ANK3: variants seen among roughly 807,000 people sequenced by gnomAD.
ANK3 encodes ankyrin 3.
ANK3 carries 57 observed loss-of-function variants against 370.9 expected under a neutral mutation model. The observed-to-expected ratio is 0.15, with a 90% CI of 0.12 to 0.19. The LOEUF is 0.19. ANK3 is among the 10% of genes least tolerant of loss of function. The pLI, the probability that ANK3 is intolerant of heterozygous loss-of-function variation, is 1.00. For missense variants in ANK3, 4,439 were observed against 5,302.1 expected, an observed-to-expected ratio of 0.84 and a Z score of 5.06; for synonymous variants, 1,929 against 1,946.3, an observed-to-expected ratio of 0.99 and a Z score of 0.23.
intron 28 of ANK3, among the ~76,000 whole-genome samples, chr10:60,099,706 A>G (rs2090829911): frequency 6.6e-6 from 1 of 152,232 alleles, no homozygotes; most frequent in Non-Finnish European, 1.5e-5. Context: ...GGAAAAATCA[A>G]TTAATATGAT....
chr10:60,446,376 G>A (rs1255412121), intron 2 of ANK3, among the ~76,000 whole-genome samples: 1 of 152,088 alleles, frequency 6.6e-6, no homozygotes, highest in East Asian at 1.9e-4. Context: ...CCCTGACCAG[G>A]GATCAACTGG....
At chr10:60,089,733 A>C (rs912123117) in intron 28 of ANK3, among the ~76,000 whole-genome samples, 2 of 152,136 alleles carry the variant, frequency 1.3e-5, no homozygotes, top group African/African-American at 4.8e-5. Flanking sequence ...AGAATTATAC[A>C]TAGGAATAGA....
chr10:60,053,526 A>G (rs1265685348), intron 42 of ANK3, among the ~76,000 whole-genome samples: 1 of 152,312 alleles, frequency 6.6e-6, no homozygotes, highest in South Asian at 2.1e-4. Context: ...CTTAAAGTGA[A>G]AATGGAGGAA....
chr10:60,432,621 T>C (rs1038293004), intron 2 of ANK3, among the ~76,000 whole-genome samples: 1 of 152,094 alleles, frequency 6.6e-6, no homozygotes, highest in African/African-American at 2.4e-5. Flanking sequence ...GATGACAAAA[T>C]AATAAAAAGG....
At chr10:60,305,900 T>G (rs1370478752) in intron 1 of ANK3, among the ~76,000 whole-genome samples, 1 of 152,166 alleles carries the variant, frequency 6.6e-6, no homozygotes, top group Admixed American at 6.5e-5. Context: ...AGTGCCGCTT[T>G]CACAGTCGGA....
At chr10:60,488,335 G>A (rs1203394136) in intron 2 of ANK3, among the ~76,000 whole-genome samples, 1 of 152,158 alleles carries the variant, frequency 6.6e-6, no homozygotes, top group Non-Finnish European at 1.5e-5. Flanking sequence ...AGGTGAACAG[G>A]AAAGGGTGGG....
At position 60,717,035 on chromosome 10, in the gene ANK3, A is replaced by G. The variant is rs113295824; in HGVS notation, c.57+16228T>C. ...TCAGGTATTAGCTCCTCCTCACTTT[A>G]TCCCTTGAGGATTTTTTTATTAAGC... On this transcript the variant is annotated intron_variant, in intron 1 of 43. Transcript: ENST00000373827. Among the ~76,000 whole-genome samples, 377 of 152,338 alleles carry G rather than the reference A, an allele frequency of 2.5e-3. 1 individual carries two copies. The highest frequency in any genetic ancestry group is 8.8e-3 in the African/African-American group (365 of 41,582).
intron 2 of ANK3, among the ~76,000 whole-genome samples, chr10:60,410,832 AT>A (rs370263898): frequency 3.7e-4 from 54 of 145,918 alleles, no homozygotes; most frequent in African/African-American, 5.3e-4. Context: ...TGCCTGGCCA[AT>A]TTTTTTTTTT....
intron 8 of ANK3, among the ~76,000 whole-genome samples, chr10:60,222,228 A>T (rs1011040867): frequency 1.3e-5 from 2 of 152,188 alleles, no homozygotes; most frequent in African/African-American, 4.8e-5. Flanking sequence ...CAATGATGCG[A>T]CTGCCTGGCT....
At chr10:60,415,916 G>GGGCCC in intron 2 of ANK3, among the ~76,000 whole-genome samples, 1 of 81,276 alleles carries the variant, frequency 1.2e-5, no homozygotes, top group Admixed American at 1.2e-4. Context: ...CTGAATTTGT[G>GGGCCC]CCCCCCACCC....
chr10:60,200,120 TGCGCATACCTTA>T lies in ANK3; in HGVS notation c.1488_1491+8del. The stretch of plus-strand genomic sequence containing the variant: ...TCAATTTCAAACACTTGTCAAGTAT[TGCGCATACCTTA>T]GCTTTAGCTTCTACCTGAGCTCCGT... On this transcript the variant is annotated splice_donor_variant and splice_donor_5th_base_variant and coding_sequence_variant and intron_variant, in exon 13 of 44. Transcript: ENST00000280772. 6.2e-7 allele frequency: 1 copy of T among 1,610,518 alleles called. No individual in the cohort carries two copies. The highest frequency in any genetic ancestry group is 8.5e-7 in the Non-Finnish European group (1 of 1,176,866).
chr10:60,583,479 A>ATAT (rs1242044017), intron 2 of ANK3, among the ~76,000 whole-genome samples: 2 of 148,314 alleles, frequency 1.3e-5, no homozygotes, highest in Admixed American at 1.3e-4. Context: ...AATGTATTAT[A>ATAT]TATTTCCATA....
intron 2 of ANK3, among the ~76,000 whole-genome samples, chr10:60,568,171 GT>G (rs1443981060): frequency 6.6e-6 from 1 of 152,154 alleles, no homozygotes; most frequent in Non-Finnish European, 1.5e-5. Context: ...TGTGAGTAAT[GT>G]TATCAAACAG....
At chr10:60,575,555 TTATAA>T (rs1221902853) in intron 2 of ANK3, among the ~76,000 whole-genome samples, 3 of 152,264 alleles carry the variant, frequency 2.0e-5, no homozygotes, top group Admixed American at 1.3e-4. Context: ...TCATTTAAAG[TTATAA>T]TTTAATAATA....
intron 25 of ANK3, among the ~76,000 whole-genome samples, chr10:60,129,322 G>T (rs1565195139): frequency 6.6e-6 from 1 of 152,164 alleles, no homozygotes; most frequent in African/African-American, 2.4e-5. Context: ...AGAGCCACAG[G>T]TAATTCCATT....
In ANK3 at chr10:60,196,243, T is replaced by G. The variant is rs749409958; in HGVS notation, c.1789A>C (p.Ser597Arg). 6.2e-7 allele frequency: 1 copy of G among 1,613,650 alleles called. No individual in the cohort carries two copies. The highest frequency in any genetic ancestry group is 8.5e-7 in the Non-Finnish European group (1 of 1,179,772). The stretch of plus-strand genomic sequence containing the variant: ...GCTACATGCAGTGGTGTTAGCCCGC[T>G]CTGAAAACACGTGCAGAAACAACAA... ...KSASPDAAGK[S>R]GLTPLHVAAH... The change falls in exon 16 of 44, where the codon AGC (serine) becomes CGC (arginine). Residue 597 changes from serine to arginine, a missense_variant and splice_region_variant. By Grantham distance (110) the Ser-to-Arg change is moderately radical. Around this residue, in one of 13 missense-constraint regions of ANK3, gnomAD observed 192 missense variants for 192.1 expected, o/e 1.00. Transcript: ENST00000280772.
intron 24 of ANK3, chr10:60,137,384 A>AAAAAAC (rs1393811925): frequency 3.8e-5 from 14 of 367,882 alleles, no homozygotes; most frequent in African/African-American, 1.9e-4. Flanking sequence ...GAAAAAAAAA[A>AAAAAAC]AAAAAAAACA....
chr10:60,447,554 G>C (rs1377847980), intron 2 of ANK3, among the ~76,000 whole-genome samples: 2 of 152,094 alleles, frequency 1.3e-5, no homozygotes, highest in Admixed American at 1.3e-4. Flanking sequence ...CTGCATGTGG[G>C]GGGGAAAAAA....
chr10:60,361,044 T>C (rs942255402), intron 1 of ANK3, among the ~76,000 whole-genome samples: 1 of 152,150 alleles, frequency 6.6e-6, no homozygotes, highest in Non-Finnish European at 1.5e-5. Context: ...GTAAAAATCT[T>C]TACTAGTCTG....
Sources: allele counts gnomAD v4.1 joint callset (sites outside exome capture counted in the v4.1 genomes callset), GRCh38; gene constraint gnomAD v4.1.1; regional missense constraint gnomAD v4.1.1; transcripts MANE v1.5; gene names NCBI Gene and HGNC (gene_info 2026-07-23, HGNC 2026-07-21).